CXADR: variants seen among roughly 807,000 people sequenced by gnomAD.
CXADR encodes the protein coxsackievirus and adenovirus receptor.
CXADR carries 20 observed loss-of-function variants against 40.3 expected under a neutral mutation model. The ratio of observed to expected loss-of-function variants is 0.50; its 90% CI spans 0.35 to 0.72. The LOEUF (loss-of-function observed/expected upper bound fraction) is 0.72, where lower values mean the gene tolerates loss of function less well. Among genes scored for constraint, CXADR ranks in the 30% least tolerant of loss-of-function variants. The probability of loss-of-function intolerance (pLI) is 0.01; values close to 1 mark genes in which losing one functional copy is unlikely to be tolerated. For synonymous variants in CXADR, 150 were observed against 161.3 expected (o/e 0.93, Z 0.53); for missense variants, 332 against 449.1 (o/e 0.74, Z 2.36).
chr21:17,591,253 A>G (rs564382243), intron 7 of CXADR, among the ~76,000 whole-genome samples: 1 of 152,136 alleles, frequency 6.6e-6, no homozygotes, highest in African/African-American at 2.4e-5. Flanking sequence ...TGGAATCCTT[A>G]TCTAACTGGG....
chr21:17,636,049 A>T, the CXADR span, among the ~76,000 whole-genome samples: 1 of 152,172 alleles, frequency 6.6e-6, no homozygotes, highest in Non-Finnish European at 1.5e-5. Context: ...TACAGTTTTG[A>T]TGCCACTGTA....
chr21:17,563,920 A>G (rs933190234), intron 6 of CXADR, among the ~76,000 whole-genome samples: 22 of 127,134 alleles, frequency 1.7e-4, no homozygotes, highest in African/African-American at 3.6e-4. Context: ...CAGCCTGGGC[A>G]ACAGAGCAAG....
chr21:17,522,752 A>C (rs1198775844), intron 1 of CXADR, among the ~76,000 whole-genome samples: 1 of 152,166 alleles, frequency 6.6e-6, no homozygotes, highest in Admixed American at 6.6e-5. Context: ...GTAAATGCCA[A>C]CATTTCTCAG....
chr21:17,588,095 C>A, intron 7 of CXADR, among the ~76,000 whole-genome samples: 1 of 152,070 alleles, frequency 6.6e-6, no homozygotes, highest in East Asian at 1.9e-4. Flanking sequence ...TGGTTTATAT[C>A]TCTGTTTTGG....
intron 3 of CXADR, among the ~76,000 whole-genome samples, chr21:17,554,433 C>T (rs2061008751): frequency 6.6e-6 from 1 of 152,118 alleles, no homozygotes; most frequent in African/African-American, 2.4e-5. Context: ...ACAGTTCACC[C>T]TGAGTTACTC....
At chr21:17,627,560 A>C in the CXADR span, among the ~76,000 whole-genome samples, 1 of 152,164 alleles carries the variant, frequency 6.6e-6, no homozygotes, top group Admixed American at 6.5e-5. Flanking sequence ...AGGCCAAGGC[A>C]GGAGAATTGC....
At chr21:17,528,790 A>C (rs575244615) in intron 1 of CXADR, among the ~76,000 whole-genome samples, 3 of 152,234 alleles carry the variant, frequency 2.0e-5, no homozygotes. Flanking sequence ...CTCATTCTGC[A>C]TCACACCTTC....
At chr21:17,519,777 G>A (rs906952703) in intron 1 of CXADR, among the ~76,000 whole-genome samples, 4 of 152,026 alleles carry the variant, frequency 2.6e-5, no homozygotes, top group African/African-American at 9.7e-5. Context: ...TGGCCAACAT[G>A]GTGAAACCCT....
the CXADR span, among the ~76,000 whole-genome samples, chr21:17,608,209 A>AC: frequency 2.6e-5 from 4 of 152,312 alleles, no homozygotes; most frequent in East Asian, 7.7e-4. Flanking sequence ...ATACAAAAAA[A>AC]AATTTGTTTT....
At chr21:17,621,332 T>C in the CXADR span, among the ~76,000 whole-genome samples, 2 of 152,044 alleles carry the variant, frequency 1.3e-5, no homozygotes, top group Non-Finnish European at 1.5e-5. Flanking sequence ...TTTCAGTCAG[T>C]TGTGTGGTAG....
At chr21:17,537,165 C>T (rs1272221382) in intron 1 of CXADR, among the ~76,000 whole-genome samples, 1 of 152,228 alleles carries the variant, frequency 6.6e-6, no homozygotes, top group Admixed American at 6.5e-5. Flanking sequence ...CAACAGTGTT[C>T]CACACATGTG....
the CXADR span, chr21:17,611,546 G>C: frequency 9.2e-5 from 14 of 152,338 alleles, no homozygotes; most frequent in East Asian, 1.7e-3. Flanking sequence ...AGTATTCTAG[G>C]AGTACCAAAA....
downstream of CXADR, among the ~76,000 whole-genome samples, chr21:17,597,594 C>T (rs1331119153): frequency 2.6e-5 from 4 of 151,888 alleles, no homozygotes; most frequent in African/African-American, 7.2e-5. Flanking sequence ...CTGTCTTGTA[C>T]TGTTTGAAGT....
At chr21:17,530,326 T>A (rs2060656943) in intron 1 of CXADR, 1 of 438,154 alleles carries the variant, frequency 2.3e-6, no homozygotes, top group Admixed American at 2.6e-5. Flanking sequence ...GTTAACATTT[T>A]ATATAAATAG....
In CXADR at chr21:17,568,822, T is replaced by G; in HGVS notation, c.*3130T>G. 5 of 985,388 alleles carry G rather than the reference T, an allele frequency of 5.1e-6. No homozygotes were observed. The highest frequency in any genetic ancestry group is 6.0e-6 in the Non-Finnish European group (5 of 829,936). 61.0% of individuals were successfully genotyped at this position (985,388 alleles called of 1,614,324 possible). A position where few individuals can be genotyped will look rare whatever the true frequency, so the allele number is the denominator to read the frequency against. ...CAAAAATGTCTACTATTCATGACAG[T>G]AACCAATTATTCTGGACAAATTGCT... On this transcript the variant is annotated 3_prime_UTR_variant, in exon 7 of 7. Transcript: ENST00000284878.
At chr21:17,570,181 CTG>C (rs1412823419), downstream of CXADR, 33 of 985,328 alleles carry the variant, frequency 3.3e-5, no homozygotes, top group African/African-American at 3.5e-4. Flanking sequence ...TCCCTGCTTG[CTG>C]TGTCATGGTT....
At chr21:17,565,344 T>C in intron 6 of CXADR, 84 bp from the exon 7 acceptor site, 1 of 1,436,704 alleles carries the variant, frequency 7.0e-7, no homozygotes, top group South Asian at 1.3e-5. Flanking sequence ...AAATACAGGC[T>C]CTTATCCATG....
At chr21:17,587,814 G>A (rs1391203006) in intron 7 of CXADR, among the ~76,000 whole-genome samples, 1 of 152,152 alleles carries the variant, frequency 6.6e-6, no homozygotes, top group Non-Finnish European at 1.5e-5. Flanking sequence ...CCTTGCCCAT[G>A]CCTATGTCCT....
chr21:17,580,144 A>G (rs552348010), intron 7 of CXADR, among the ~76,000 whole-genome samples: 1 of 152,336 alleles, frequency 6.6e-6, no homozygotes, highest in South Asian at 2.1e-4. Flanking sequence ...GGAAAGAAAT[A>G]TGAATCCACT....
Sources: gnomAD v4.1 joint callset for allele counts (sites outside exome capture counted in the v4.1 genomes callset) on GRCh38, gnomAD v4.1.1 for gene constraint, MANE v1.5 for transcripts, NCBI Gene and HGNC (gene_info 2026-07-23, HGNC 2026-07-21) for gene names.